The following CLIP1 variants were observed in gnomAD, a reference collection of about 807,000 sequenced individuals.
CLIP1 encodes the protein CAP-Gly domain containing linker protein 1.
In CLIP1, 66 loss-of-function variants were observed where a neutral mutation model predicts 161.6. That is an observed-to-expected ratio of 0.41 (90% CI 0.33 to 0.50). The LOEUF is 0.50. Ranked by LOEUF, CLIP1 falls within the 20% of genes least tolerant of loss-of-function variation. The pLI is 0.27. For synonymous variants in CLIP1, 598 were observed against 626.2 expected (o/e 0.96, Z 0.67); for missense variants, 1,376 against 1,702.0 (o/e 0.81, Z 3.37).
intron 1 of CLIP1, among the ~76,000 whole-genome samples, chr12:122,381,398 T>A (rs1170705036): frequency 6.6e-6 from 1 of 152,188 alleles, no homozygotes. Flanking sequence ...ATTACCTTGT[T>A]TCTATCTAGA....
In CLIP1 at chr12:122,354,610, C is replaced by G. The variant is rs184879280; in HGVS notation, c.1204-54G>C. ...GACTATTTCTGACCCAGATACAGACCCAGTGATACTTCTCCAAAGAGCTGT... is the reference window on the plus strand; with the variant it reads ...GACTATTTCTGACCCAGATACAGACGCAGTGATACTTCTCCAAAGAGCTGT... On this transcript the variant is annotated intron_variant, in intron 6 of 25. Coordinates refer to ENST00000620786, the MANE Select transcript of CLIP1 (RefSeq NM_001247997.2). 46 of 1,395,058 alleles carry G rather than the reference C, an allele frequency of 3.3e-5. No homozygotes were observed. In the Middle Eastern group the frequency reaches 5.3e-4, roughly 16 times the overall value. The allele number at this position is 1,395,058 out of a possible 1,614,324, so 86.4% of individuals were successfully genotyped here. A position where few individuals can be genotyped will look rare whatever the true frequency, so the allele number is the denominator to read the frequency against.
chr12:122,404,296 T>C (rs1040461442), intron 1 of CLIP1, among the ~76,000 whole-genome samples: 1 of 152,110 alleles, frequency 6.6e-6, no homozygotes, highest in Non-Finnish European at 1.5e-5. Context: ...AGTAGGCTGA[T>C]TTAAAAGGTA....
At chr12:122,364,201 C>G in intron 3 of CLIP1, 94 bp from the exon 4 acceptor site, 4 of 1,423,490 alleles carry the variant, frequency 2.8e-6, no homozygotes, top group Non-Finnish European at 3.9e-6. Flanking sequence ...TACATTCCAT[C>G]ATTTCCACCA....
At chr12:122,326,772 A>T (rs572745583) in intron 17 of CLIP1, among the ~76,000 whole-genome samples, 1 of 152,300 alleles carries the variant, frequency 6.6e-6, no homozygotes, top group African/African-American at 2.4e-5. Flanking sequence ...TACAAAAAAA[A>T]AACTGAAGTC....
At position 122,391,837 on chromosome 12, in the gene CLIP1, T is replaced by C. The variant is rs7309316; in HGVS notation, c.-106-11279A>G. ...GATGTTTCAAATAGTTGGAACACCA[T>C]TTGAATGCACCACCACCAGTCCATA... is the stretch of plus-strand genomic sequence containing the variant. On this transcript the variant is annotated intron_variant, in intron 1 of 25. Coordinates refer to ENST00000620786, the MANE Select transcript of CLIP1 (RefSeq NM_001247997.2). 9.8e-3 allele frequency among the ~76,000 whole-genome samples: 1,486 copies of C among 152,330 alleles called. 25 individuals carry two copies. The highest frequency in any genetic ancestry group is 0.034 in the African/African-American group (1,418 of 41,576).
intron 23 of CLIP1, 39 bp downstream of exon 23, chr12:122,278,753 G>A (rs372859844): frequency 1.2e-5 from 18 of 1,531,028 alleles, no homozygotes; most frequent in South Asian, 1.0e-4. Context: ...TCGGGAGGAC[G>A]CGGGGTGTAC....
At chr12:122,334,166 G>A in intron 13 of CLIP1, 56 bp from the exon 14 acceptor site, 1 of 1,089,794 alleles carries the variant, frequency 9.2e-7, no homozygotes, top group Non-Finnish European at 1.4e-6. Context: ...AAGCTATCTG[G>A]AGCTTGGCTG....
intron 3 of CLIP1, among the ~76,000 whole-genome samples, chr12:122,366,168 G>A (rs774834519): frequency 1.9e-4 from 29 of 151,994 alleles, no homozygotes; most frequent in Non-Finnish European, 4.1e-4. Context: ...TCAGCTGGGT[G>A]TGGTGGCTCA....
intron 18 of CLIP1, among the ~76,000 whole-genome samples, chr12:122,317,674 C>T (rs903702274): frequency 2.6e-5 from 4 of 152,200 alleles, no homozygotes; most frequent in African/African-American, 9.7e-5. Flanking sequence ...AAGTTGTCTC[C>T]TACAGCCAGA....
chr12:122,310,849 A>C (rs1430322517), intron 19 of CLIP1, among the ~76,000 whole-genome samples: 3 of 152,086 alleles, frequency 2.0e-5, no homozygotes, highest in Non-Finnish European at 4.4e-5. Context: ...TTTTAACTTC[A>C]ATTGTCTAAT....
At chr12:122,297,479 G>A (rs960708647) in intron 20 of CLIP1, among the ~76,000 whole-genome samples, 9 of 152,172 alleles carry the variant, frequency 5.9e-5, no homozygotes, top group African/African-American at 1.9e-4. Flanking sequence ...TGCTCTCAAT[G>A]GGTATGAGTT....
chr12:122,371,507 G>A (rs1415865985), intron 3 of CLIP1, among the ~76,000 whole-genome samples: 2 of 152,208 alleles, frequency 1.3e-5, no homozygotes, highest in African/African-American at 4.8e-5. Context: ...CTATTAAAAA[G>A]AGTTTAGGCA....
At chr12:122,403,199 G>A (rs1454488429) in intron 1 of CLIP1, among the ~76,000 whole-genome samples, 4 of 152,148 alleles carry the variant, frequency 2.6e-5, no homozygotes, top group Non-Finnish European at 5.9e-5. Context: ...TAATTTAATT[G>A]TTCTTAGCAT....
intron 17 of CLIP1, chr12:122,322,211 T>C (rs972706165): frequency 1.3e-5 from 2 of 152,688 alleles, no homozygotes; most frequent in Non-Finnish European, 2.9e-5. Flanking sequence ...TTCTAGGAGA[T>C]TGGCTGAAAT....
At chr12:122,337,586 GAGACTATTTTTAAATAGTCAAAAT>G (rs1336419941) in intron 11 of CLIP1, among the ~76,000 whole-genome samples, 1 of 152,152 alleles carries the variant, frequency 6.6e-6, no homozygotes, top group African/African-American at 2.4e-5. Context: ...ACTGTGCCCA[GAGACTATTTTTAAATAGTCAAAAT>G]AGACTATTTT....
At chr12:122,342,645 A>T (rs1952558183) in intron 10 of CLIP1, 1 of 152,198 alleles carries the variant, frequency 6.6e-6, no homozygotes, top group Admixed American at 6.5e-5. Context: ...AGTCTCGGCA[A>T]CACAGCAAGA....
At chr12:122,420,307 T>C (rs12297174) in intron 1 of CLIP1, among the ~76,000 whole-genome samples, 11,478 of 151,304 alleles carry the variant, frequency 0.076, 1,423 homozygotes, top group African/African-American at 0.26. Context: ...ATCACTCCAT[T>C]GCACTCCAGC....
At chr12:122,397,984 C>G (rs549834904) in intron 1 of CLIP1, among the ~76,000 whole-genome samples, 1 of 150,940 alleles carries the variant, frequency 6.6e-6, no homozygotes, top group Non-Finnish European at 1.5e-5. Context: ...AGAAAATTAA[C>G]TTATCAGTTT....
intron 20 of CLIP1, among the ~76,000 whole-genome samples, chr12:122,301,491 T>G (rs1472819265): frequency 6.6e-6 from 1 of 152,178 alleles, no homozygotes; most frequent in Admixed American, 6.5e-5. Flanking sequence ...CTGGCCAATA[T>G]GGCGAAACCC....
Sources: gnomAD v4.1 joint callset for allele counts (sites outside exome capture counted in the v4.1 genomes callset) on GRCh38, gnomAD v4.1.1 for gene constraint, MANE v1.5 for transcripts, NCBI Gene and HGNC (gene_info 2026-07-23, HGNC 2026-07-21) for gene names.